Variants in KIRREL3 observed in about 807,000 individuals in gnomAD.
The protein encoded by KIRREL3 is kin of IRRE-like protein 3.
A neutral mutation model predicts 89.7 loss-of-function variants in KIRREL3; 36 were observed. The observed-to-expected ratio is 0.40, with a 90% CI of 0.31 to 0.53. The LOEUF (loss-of-function observed/expected upper bound fraction) is 0.53. Among genes scored for constraint, KIRREL3 ranks in the 20% least tolerant of loss-of-function variants. The pLI, the probability that KIRREL3 is intolerant of heterozygous loss-of-function variation, is 0.49. For synonymous variants in KIRREL3, 445 were observed against 441.4 expected (o/e 1.01, Z -0.10); for missense variants, 864 against 1,056.6 (o/e 0.82, Z 2.53).
At chr11:126,855,831 C>T (rs1222895492) in intron 1 of KIRREL3, among the ~76,000 whole-genome samples, 1 of 152,192 alleles carries the variant, frequency 6.6e-6, no homozygotes, top group Non-Finnish European at 1.5e-5. Context: ...ACCACCATCT[C>T]TATGCCCTCT....
rs1018988694 is a variant in KIRREL3, at chr11:126,530,832, A to C, written c.134-4145T>G. Among the ~76,000 whole-genome samples the C allele has an allele frequency of 6.0e-5, 9 of 150,342 alleles. No homozygotes were observed. The highest frequency in any genetic ancestry group is 9.8e-5 in the African/African-American group (4 of 40,838). On this transcript the variant is annotated intron_variant, in intron 2 of 16. Coordinates refer to ENST00000525144, the MANE Select transcript of KIRREL3 (RefSeq NM_032531.4). This position sits in a 1 kb window ranked among gnomAD's most constrained non-coding sequence, Gnocchi z 5.8. ...TCTCCCCTTCCCATACTTTATTTTTATTTTTCTTTTTTTTTTGAGACGGAG... is the reference window on the plus strand; with the variant it reads ...TCTCCCCTTCCCATACTTTATTTTTCTTTTTCTTTTTTTTTTGAGACGGAG...
intron 1 of KIRREL3, among the ~76,000 whole-genome samples, chr11:126,980,790 A>G (rs529212371): frequency 1.3e-5 from 2 of 152,274 alleles, no homozygotes; most frequent in South Asian, 4.2e-4. Context: ...TAATGAGTTT[A>G]GTTTTTAGAA....
At chr11:126,923,203 T>TCTTCTTCTC (rs1565423429) in intron 1 of KIRREL3, among the ~76,000 whole-genome samples, 1 of 6,568 alleles carries the variant, frequency 1.5e-4, no homozygotes. Context: ...TTCTTCTTCT[T>TCTTCTTCTC]CTTCTTCTTC....
At chr11:126,878,301 T>C (rs550024806) in intron 1 of KIRREL3, among the ~76,000 whole-genome samples, 2 of 152,290 alleles carry the variant, frequency 1.3e-5, no homozygotes, top group East Asian at 3.9e-4. Flanking sequence ...GTGAGAACAG[T>C]TGTATTACAG....
chr11:126,644,929 C>T (rs558718434), intron 1 of KIRREL3, among the ~76,000 whole-genome samples: 7 of 152,228 alleles, frequency 4.6e-5, no homozygotes, highest in East Asian at 1.9e-4. Context: ...TGACAAACAG[C>T]GAACGTGCCA....
chr11:126,446,275 T>TTTA (rs879570483), intron 9 of KIRREL3, among the ~76,000 whole-genome samples: 1 of 130,602 alleles, frequency 7.7e-6, no homozygotes, highest in Admixed American at 8.4e-5. Flanking sequence ...TCTCTCTTTC[T>TTTA]TTTCTTTCTC....
rs1947370489 is a variant in KIRREL3 at position 126,703,037 on chromosome 11, G to A, written c.56-140125C>T. On this transcript the variant is annotated intron_variant, in intron 1 of 16. Coordinates refer to ENST00000525144, the MANE Select transcript of KIRREL3 (RefSeq NM_032531.4). The surrounding 1 kb of genome is among the most constrained non-coding windows in gnomAD (Gnocchi z 4.6). ...TATTTTCAGAGTGGCAGGGAGGATG[G>A]TTTATGGTGAGTATGGACCTAAATG... Among the ~76,000 whole-genome samples, 1 of 152,192 alleles carries A rather than the reference G, an allele frequency of 6.6e-6. No individual in the cohort carries two copies. Among genetic ancestry groups the A allele is most frequent in the Admixed American group, 6.5e-5 (1 of 15,280 alleles).
At chr11:126,902,990 T>A (rs939179530) in intron 1 of KIRREL3, among the ~76,000 whole-genome samples, 7 of 152,004 alleles carry the variant, frequency 4.6e-5, no homozygotes, top group East Asian at 3.9e-4. Context: ...ATACTTTTTT[T>A]AAAAAAAAGG....
chr11:126,589,002 AG>A (rs1942007346), intron 1 of KIRREL3, among the ~76,000 whole-genome samples: 1 of 152,098 alleles, frequency 6.6e-6, no homozygotes, highest in Non-Finnish European at 1.5e-5. Context: ...TCATTCTTCA[AG>A]GGGGCTGCAA....
intron 1 of KIRREL3, among the ~76,000 whole-genome samples, chr11:126,871,601 G>A (rs1239851153): frequency 6.6e-6 from 1 of 152,198 alleles, no homozygotes; most frequent in Non-Finnish European, 1.5e-5. Context: ...GATCTACTAT[G>A]AGAAAACCTG....
At chr11:126,588,662 A>C (rs1175918699) in intron 1 of KIRREL3, among the ~76,000 whole-genome samples, 1 of 152,166 alleles carries the variant, frequency 6.6e-6, no homozygotes, top group Non-Finnish European at 1.5e-5. Context: ...ATTCTATATA[A>C]TTTACCAATT....
At position 126,694,860 on chromosome 11, in the gene KIRREL3, AG is replaced by A. The variant is rs1451125977; in HGVS notation, c.56-131949del. Among the ~76,000 whole-genome samples the A allele has an allele frequency of 7.9e-5, 12 of 152,210 alleles. No individual in the cohort carries two copies. The highest frequency in any genetic ancestry group is 1.8e-4 in the Non-Finnish European group (12 of 68,040). On this transcript the variant is annotated intron_variant, in intron 1 of 16. Coordinates refer to ENST00000525144, the MANE Select transcript of KIRREL3 (RefSeq NM_032531.4). This position sits in a 1 kb window ranked among gnomAD's most constrained non-coding sequence, Gnocchi z 4.4. ...GAATGGGGACTGGAAGAGACAGGTAAGTCCCCAACCTATCTTCATTTTCTTA... is the reference window on the plus strand; with the variant it reads ...GAATGGGGACTGGAAGAGACAGGTAATCCCCAACCTATCTTCATTTTCTTA...
At position 126,589,287 on chromosome 11, in the gene KIRREL3, C is replaced by T. The variant is rs376781377; in HGVS notation, c.56-26375G>A. ...GAGTCTGGGCTGTTGGCAGCGTCTG[C>T]GTGCAGGGGAACAGAAGCTACAACC... On this transcript the variant is annotated intron_variant, in intron 1 of 16. Coordinates refer to ENST00000525144, the MANE Select transcript of KIRREL3 (RefSeq NM_032531.4). 6.6e-5 allele frequency among the ~76,000 whole-genome samples: 10 copies of T among 152,334 alleles called. No homozygotes were observed. In the East Asian group the frequency reaches 1.9e-3, roughly 29 times the overall value.
chr11:126,865,431 T>C (rs763648200), intron 1 of KIRREL3, among the ~76,000 whole-genome samples: 8 of 152,208 alleles, frequency 5.3e-5, no homozygotes, highest in Non-Finnish European at 1.0e-4. Flanking sequence ...AGTCTGGGAT[T>C]AGTAGATACT....
At chr11:126,497,595 G>T (rs1348540558) in intron 4 of KIRREL3, among the ~76,000 whole-genome samples, 2 of 152,230 alleles carry the variant, frequency 1.3e-5, no homozygotes, top group African/African-American at 4.8e-5. Flanking sequence ...AACTCTCTCT[G>T]GATGGAGATG....
intron 1 of KIRREL3, among the ~76,000 whole-genome samples, chr11:126,893,618 T>C (rs948119): frequency 0.74 from 112,164 of 152,136 alleles, 42,609 homozygotes; most frequent in African/African-American, 0.93. Flanking sequence ...CTACCCGGGT[T>C]ACCGTGAGCT....
intron 1 of KIRREL3, among the ~76,000 whole-genome samples, chr11:126,604,843 C>A (rs916120586): frequency 6.6e-6 from 1 of 152,232 alleles, no homozygotes; most frequent in East Asian, 1.9e-4. Flanking sequence ...GAGCTGCAAC[C>A]TGCTAACTTC....
In KIRREL3 at chr11:126,807,621, A is replaced by G. The variant is rs932949490; in HGVS notation, c.55+192834T>C. Among the ~76,000 whole-genome samples the G allele has an allele frequency of 6.6e-6, 1 of 152,168 alleles. No homozygotes were observed. Among genetic ancestry groups the G allele is most frequent in the Non-Finnish European group, 1.5e-5 (1 of 68,028 alleles). Reference sequence around the variant, plus strand: ...ACCCAATTATGCTGTGCCCTTCCCCATCTCCATGCCTTTAAACTTGTCACA... The same window carrying G: ...ACCCAATTATGCTGTGCCCTTCCCCGTCTCCATGCCTTTAAACTTGTCACA... On this transcript the variant is annotated intron_variant, in intron 1 of 16. Transcript: ENST00000525144. The surrounding 1 kb of genome is among the most constrained non-coding windows in gnomAD (Gnocchi z 4.3).
At chr11:126,499,700 C>T (rs1002530718) in intron 4 of KIRREL3, among the ~76,000 whole-genome samples, 1 of 152,202 alleles carries the variant, frequency 6.6e-6, no homozygotes, top group Non-Finnish European at 1.5e-5. Flanking sequence ...GCTATGATTA[C>T]GTTTTCATTT....
Sources: gnomAD v4.1 joint callset for allele counts (sites outside exome capture counted in the v4.1 genomes callset) on GRCh38, gnomAD v4.1.1 for gene constraint, Gnocchi (gnomAD v3.1) non-coding constraint, MANE v1.5 for transcripts, NCBI Gene and HGNC (gene_info 2026-07-23, HGNC 2026-07-21) for gene names.